Variants in RBFOX1 observed in about 807,000 individuals in gnomAD.
RBFOX1 encodes RNA binding protein fox-1 homolog 1.
A neutral mutation model predicts 57.7 loss-of-function variants in RBFOX1; 8 were observed. The observed-to-expected ratio is 0.14, with a 90% CI of 0.08 to 0.25. The LOEUF is 0.25. RBFOX1 is among the 10% of genes least tolerant of loss of function. The pLI is 1.00. For missense variants in RBFOX1, 611 were observed against 548.5 expected (o/e 1.11, Z -1.14); for synonymous variants, 326 against 222.4 (o/e 1.47, Z -4.15).
At chr16:6,458,078 G>A (rs1210340120) in intron 2 of RBFOX1, among the ~76,000 whole-genome samples, 1 of 152,150 alleles carries the variant, frequency 6.6e-6, no homozygotes, top group African/African-American at 2.4e-5. Context: ...TATTGAAGCT[G>A]ATGGCATCCA....
chr16:6,510,597 A>G (rs2096235143), intron 2 of RBFOX1, among the ~76,000 whole-genome samples: 1 of 152,154 alleles, frequency 6.6e-6, no homozygotes, highest in South Asian at 2.1e-4. Context: ...GGGAGGATGA[A>G]AGCCTGCGTA....
At chr16:6,369,962 T>G (rs1325355969) in intron 2 of RBFOX1, among the ~76,000 whole-genome samples, 1 of 152,222 alleles carries the variant, frequency 6.6e-6, no homozygotes, top group African/African-American at 2.4e-5. Flanking sequence ...CAGAATCTAA[T>G]CCATCATGCA....
chr16:7,035,763 G>C (rs1303724846), intron 3 of RBFOX1, among the ~76,000 whole-genome samples: 1 of 152,004 alleles, frequency 6.6e-6, no homozygotes, highest in African/African-American at 2.4e-5. Context: ...CAGAACTTTT[G>C]GGAATCTAGT....
At chr16:5,344,934 A>T (rs2065108473) in intron 1 of RBFOX1, among the ~76,000 whole-genome samples, 1 of 152,196 alleles carries the variant, frequency 6.6e-6, no homozygotes, top group Non-Finnish European at 1.5e-5. Flanking sequence ...CCAGACATCC[A>T]GGTCCCACCT....
intron 4 of RBFOX1, among the ~76,000 whole-genome samples, chr16:7,226,134 A>G (rs1472646467): frequency 1.3e-5 from 2 of 152,056 alleles, no homozygotes; most frequent in Non-Finnish European, 2.9e-5. Context: ...ACCAGGAGAA[A>G]AAGAGCACCT....
chr16:7,416,344 C>T (rs764737039), intron 4 of RBFOX1, among the ~76,000 whole-genome samples: 1 of 152,140 alleles, frequency 6.6e-6, no homozygotes, highest in Non-Finnish European at 1.5e-5. Context: ...TGATCCATGC[C>T]CAACTAATTT....
At chr16:7,514,535 C>G (rs2075922301) in intron 4 of RBFOX1, among the ~76,000 whole-genome samples, 1 of 152,050 alleles carries the variant, frequency 6.6e-6, no homozygotes, top group Non-Finnish European at 1.5e-5. Flanking sequence ...TGAGCTGTGG[C>G]CACCAGCTGC....
chr16:5,608,315 C>T (rs993020095), intron 3 of RBFOX1, among the ~76,000 whole-genome samples: 5 of 152,186 alleles, frequency 3.3e-5, no homozygotes, highest in African/African-American at 7.2e-5. Flanking sequence ...GTTTCCGTAA[C>T]AGCAGCAGCC....
At chr16:6,497,625 T>G (rs998923907) in intron 2 of RBFOX1, among the ~76,000 whole-genome samples, 6 of 151,856 alleles carry the variant, frequency 4.0e-5, no homozygotes, top group African/African-American at 1.2e-4. Flanking sequence ...GGCGCGATCT[T>G]GGCTTACTGC....
At chr16:5,988,643 C>G (rs1045646325) in intron 4 of RBFOX1, among the ~76,000 whole-genome samples, 1 of 152,144 alleles carries the variant, frequency 6.6e-6, no homozygotes, top group Non-Finnish European at 1.5e-5. Context: ...GTGAGCACGT[C>G]CAAGACCTGC....
chr16:5,463,692 C>T (rs932270258), intron 1 of RBFOX1, among the ~76,000 whole-genome samples: 13 of 151,016 alleles, frequency 8.6e-5, no homozygotes, highest in Admixed American at 4.0e-4. Flanking sequence ...CCCAGCTACT[C>T]GGGAGGCTGA....
At chr16:5,837,514 C>T (rs55716492) in intron 3 of RBFOX1, among the ~76,000 whole-genome samples, 7,879 of 152,100 alleles carry the variant, frequency 0.052, 273 homozygotes, top group Non-Finnish European at 0.08. Flanking sequence ...CATTCCCACT[C>T]CCAACCCCAC....
chr16:5,453,531 C>G (rs1178984531), intron 1 of RBFOX1, among the ~76,000 whole-genome samples: 1 of 152,112 alleles, frequency 6.6e-6, no homozygotes, highest in African/African-American at 2.4e-5. Flanking sequence ...AAGGAAATGA[C>G]CCCACATGGG....
chr16:7,470,250 C>G (rs777121970), intron 4 of RBFOX1, among the ~76,000 whole-genome samples: 15 of 152,208 alleles, frequency 9.9e-5, no homozygotes, highest in Non-Finnish European at 1.5e-4. Flanking sequence ...CTGTGTCTGC[C>G]TCTCACACTA....
Position 7,518,211 on chromosome 16 carries a change from C to G in RBFOX1, c.92C>G (p.Ala31Gly). The G allele has an allele frequency of 6.2e-7, 1 of 1,614,090 alleles. No homozygotes were observed. The highest frequency in any genetic ancestry group is 8.5e-7 in the Non-Finnish European group (1 of 1,179,980). ...CAGCCTTACGCTTCGGCCCAGTTTG[C>G]TCCCCCGCAGAACGGTATCCCCGCG... ...MAQPYASAQF[A>G]PPQNGIPAEY... Residue 31 changes from alanine to glycine, a missense_variant, in exon 5 of 16, where the codon GCT becomes GGT. By Grantham distance (60) the Ala-to-Gly change is moderately conservative. Around this residue, in one of 3 missense-constraint regions of RBFOX1, gnomAD observed 245 missense variants for 159.1 expected, o/e 1.54. Transcript: ENST00000550418.
At chr16:5,532,489 G>A (rs923754913) in intron 2 of RBFOX1, among the ~76,000 whole-genome samples, 2 of 152,148 alleles carry the variant, frequency 1.3e-5, no homozygotes, top group Non-Finnish European at 2.9e-5. Flanking sequence ...AGTCAGATGC[G>A]TATTAAAGTT....
intron 3 of RBFOX1, among the ~76,000 whole-genome samples, chr16:7,024,168 A>G (rs780079772): frequency 6.6e-6 from 1 of 152,208 alleles, no homozygotes; most frequent in Non-Finnish European, 1.5e-5. Flanking sequence ...AGCATCTAGT[A>G]ATCATTTAAT....
At chr16:6,942,303 G>C (rs2078682906) in intron 3 of RBFOX1, among the ~76,000 whole-genome samples, 1 of 152,010 alleles carries the variant, frequency 6.6e-6, no homozygotes, top group South Asian at 2.1e-4. Flanking sequence ...AAGTTGCTGA[G>C]ACCACTGGCA....
intron 2 of RBFOX1, among the ~76,000 whole-genome samples, chr16:6,437,998 G>A (rs2094283479): frequency 6.6e-6 from 1 of 152,106 alleles, no homozygotes; most frequent in Non-Finnish European, 1.5e-5. Context: ...GCTCCTCTTG[G>A]TCTTGACTCT....
Sources: allele counts gnomAD v4.1 joint callset (sites outside exome capture counted in the v4.1 genomes callset), GRCh38; gene constraint gnomAD v4.1.1; regional missense constraint gnomAD v4.1.1; transcripts MANE v1.5; gene names NCBI Gene and HGNC (gene_info 2026-07-23, HGNC 2026-07-21).